KANSL1: variants seen among roughly 807,000 people sequenced by gnomAD.
The protein encoded by KANSL1 is KAT8 regulatory NSL complex subunit 1.
KANSL1 carries 22 observed loss-of-function variants against 103.6 expected under a neutral mutation model. That is an observed-to-expected ratio of 0.21 (90% CI 0.15 to 0.30). The LOEUF (loss-of-function observed/expected upper bound fraction) is 0.30. Among genes scored for constraint, KANSL1 ranks in the 10% least tolerant of loss-of-function variants. The probability of loss-of-function intolerance (pLI) is 1.00; values close to 1 mark genes in which losing one functional copy is unlikely to be tolerated. For missense variants in KANSL1, 1,337 were observed against 1,399.8 expected, an observed-to-expected ratio of 0.96 and a Z score of 0.72; for synonymous variants, 600 against 527.6, an observed-to-expected ratio of 1.14 and a Z score of -1.88.
chr17:46,161,340 G>C (rs2045730734), intron 2 of KANSL1, among the ~76,000 whole-genome samples: 1 of 151,912 alleles, frequency 6.6e-6, no homozygotes, highest in Admixed American at 6.6e-5. Flanking sequence ...GGAGGCTGAG[G>C]CAGGAGAATG....
intron 6 of KANSL1, among the ~76,000 whole-genome samples, chr17:46,060,975 C>T (rs188593178): frequency 7.9e-5 from 12 of 152,156 alleles, no homozygotes; most frequent in Non-Finnish European, 1.5e-5. Flanking sequence ...CAGTACACTG[C>T]CAATTTGTTA....
intron 1 of KANSL1, among the ~76,000 whole-genome samples, chr17:46,182,020 T>A (rs1031943505): frequency 4.6e-5 from 7 of 152,358 alleles, no homozygotes; most frequent in Admixed American, 4.6e-4. Context: ...GTCATTCAGT[T>A]CAAATTATCT....
intron 6 of KANSL1, among the ~76,000 whole-genome samples, chr17:46,057,878 A>G (rs2077989362): frequency 6.6e-6 from 1 of 152,246 alleles, no homozygotes; most frequent in Admixed American, 6.5e-5. Context: ...TTCTGCTTCT[A>G]GCAGAGTAAT....
intron 4 of KANSL1, among the ~76,000 whole-genome samples, chr17:46,074,986 C>G (rs938061206): frequency 1.3e-5 from 2 of 151,936 alleles, no homozygotes; most frequent in Non-Finnish European, 2.9e-5. Context: ...TAAAACAATG[C>G]GTAACCTCTA....
At chr17:46,055,817 A>C (rs1003843706) in intron 6 of KANSL1, among the ~76,000 whole-genome samples, 1 of 152,182 alleles carries the variant, frequency 6.6e-6, no homozygotes, top group Non-Finnish European at 1.5e-5. Flanking sequence ...AAAATTGACC[A>C]AAGTATATAT....
chr17:46,061,550 A>G (rs1364314403), intron 6 of KANSL1, among the ~76,000 whole-genome samples: 2 of 152,180 alleles, frequency 1.3e-5, no homozygotes, highest in Admixed American at 1.3e-4. Flanking sequence ...AATATAGGCT[A>G]TTCAGTAATT....
At chr17:46,116,900 AT>A (rs1185941535) in intron 2 of KANSL1, among the ~76,000 whole-genome samples, 1 of 152,266 alleles carries the variant, frequency 6.6e-6, no homozygotes, top group East Asian at 1.9e-4. Context: ...GTTTGAAAAT[AT>A]ATTTTAAATG....
At position 46,050,682 on chromosome 17, in the gene KANSL1, C is replaced by T. The variant is rs774078834; in HGVS notation, c.1871G>A (p.Arg624His). The T allele has an allele frequency of 3.9e-5, 63 of 1,613,656 alleles. No homozygotes were observed. Among genetic ancestry groups the T allele is most frequent in the Non-Finnish European group, 5.3e-5 (62 of 1,179,822 alleles). The change falls in exon 7 of 15, where the codon CGC becomes CAC. Residue 624 changes from arginine to histidine, a missense_variant. This residue lies in a region of KANSL1 where 780 missense variants were observed against 923.4 expected (regional missense o/e 0.84). Coordinates refer to ENST00000432791, the MANE Select transcript of KANSL1 (RefSeq NM_015443.4). ...GGAGGGATTCACATCACAGCCAGGG[C>T]GGATTGTGCTGTTCCGGTGAACCTG... ...SKKVHRNSTI[R>H]PGCDVNPSCA...
chr17:46,099,960 T>C (rs1367989257), intron 2 of KANSL1, among the ~76,000 whole-genome samples: 1 of 152,256 alleles, frequency 6.6e-6, no homozygotes, highest in Admixed American at 6.5e-5. Context: ...TGACACCACA[T>C]GAATAGTACA....
At chr17:46,105,947 ACCCCC>A (rs67725690) in intron 2 of KANSL1, among the ~76,000 whole-genome samples, 24 of 57,780 alleles carry the variant, frequency 4.2e-4, no homozygotes, top group Non-Finnish European at 8.5e-4. Flanking sequence ...ACACACACAC[ACCCCC>A]CCAGAAGGGT....
chr17:46,101,010 G>T (rs1216438637), intron 2 of KANSL1, among the ~76,000 whole-genome samples: 2 of 152,200 alleles, frequency 1.3e-5, no homozygotes, highest in African/African-American at 4.8e-5. Flanking sequence ...TAGATAAATT[G>T]ACAAAGGATT....
chr17:46,152,587 G>GA (rs1425185214), intron 2 of KANSL1, among the ~76,000 whole-genome samples: 9 of 145,466 alleles, frequency 6.2e-5, no homozygotes, highest in Admixed American at 5.4e-4. Context: ...CACAAAGGGG[G>GA]GGGGGGGATT....
Position 46,038,705 on chromosome 17 carries a change from AAGAG to A in KANSL1, c.2393-23_2393-20del. 2 of 1,613,912 alleles carry A rather than the reference AAGAG, an allele frequency of 1.2e-6. No individual in the cohort carries two copies. The highest frequency in any genetic ancestry group is 1.7e-6 in the Non-Finnish European group (2 of 1,179,928). Reference sequence around the variant, plus strand: ...TTCAACACTGCAGAAGTCAACAGAAAAGAGAGAAATACATGGCTATCTTAACCAG... The same window carrying A: ...TTCAACACTGCAGAAGTCAACAGAAAAGAAATACATGGCTATCTTAACCAG... On this transcript the variant is annotated intron_variant, in intron 9 of 14. Coordinates refer to ENST00000432791, the MANE Select transcript of KANSL1 (RefSeq NM_015443.4).
intron 2 of KANSL1, among the ~76,000 whole-genome samples, chr17:46,168,151 C>T (rs961191905): frequency 1.3e-5 from 2 of 152,194 alleles, no homozygotes; most frequent in Non-Finnish European, 2.9e-5. Flanking sequence ...CATCAAAGAA[C>T]AACTTTTTCT....
At chr17:46,125,000 AAAGAAAGGGAAGGGAAGGG>A (rs1455334845) in intron 2 of KANSL1, among the ~76,000 whole-genome samples, 2 of 109,396 alleles carry the variant, frequency 1.8e-5, no homozygotes, top group East Asian at 2.3e-4. Context: ...AAAGGGAAGG[AAAGAAAGGGAAGGGAAGGG>A]AAGGGAGGGG....
intron 2 of KANSL1, among the ~76,000 whole-genome samples, chr17:46,101,028 A>G (rs1489284100): frequency 6.6e-6 from 1 of 152,252 alleles, no homozygotes. Flanking sequence ...ATTATGTGCT[A>G]CTTCCAAGTG....
At chr17:46,050,465 G>T in intron 7 of KANSL1, 68 bp downstream of exon 7, 2 of 1,484,930 alleles carry the variant, frequency 1.3e-6, no homozygotes, top group Non-Finnish European at 1.8e-6. Flanking sequence ...CACCTTGGCT[G>T]ATTTTCTTTC....
intron 2 of KANSL1, among the ~76,000 whole-genome samples, chr17:46,153,350 G>A (rs961691696): frequency 1.3e-5 from 2 of 152,120 alleles, no homozygotes; most frequent in East Asian, 1.9e-4. Context: ...TTTCTATGTC[G>A]TTTTACTCGG....
intron 3 of KANSL1, 131 bp from the exon 4 acceptor site, chr17:46,082,673 A>G: frequency 2.1e-6 from 1 of 481,164 alleles, no homozygotes; most frequent in South Asian, 3.8e-5. Flanking sequence ...GTTCAGAAAC[A>G]AACTACAGCA....
Sources: gnomAD v4.1 joint callset for allele counts (sites outside exome capture counted in the v4.1 genomes callset) on GRCh38, gnomAD v4.1.1 for gene constraint, gnomAD v4.1.1 regional missense constraint, MANE v1.5 for transcripts, NCBI Gene and HGNC (gene_info 2026-07-23, HGNC 2026-07-21) for gene names.